Variants in TTC39C observed in about 807,000 individuals in gnomAD.
TTC39C encodes tetratricopeptide repeat domain 39C, also known as tetratricopeptide repeat protein 39C.
In TTC39C, 33 loss-of-function variants were observed where a neutral mutation model predicts 76.3. The ratio of observed to expected loss-of-function variants is 0.43; its 90% CI spans 0.33 to 0.58. The LOEUF is 0.58. TTC39C is among the 20% of genes least tolerant of loss of function. The pLI, the probability that TTC39C is intolerant of heterozygous loss-of-function variation, is 0.04. For missense variants in TTC39C, 595 were observed against 701.4 expected, an observed-to-expected ratio of 0.85 and a Z score of 1.71; for synonymous variants, 254 against 260.6, an observed-to-expected ratio of 0.97 and a Z score of 0.24.
chr18:24,086,954 G>A (rs950283156), intron 6 of TTC39C, among the ~76,000 whole-genome samples: 1 of 151,664 alleles, frequency 6.6e-6, no homozygotes, highest in Admixed American at 6.6e-5. Context: ...GAACTTGTTT[G>A]GTGTTGAGAG....
chr18:24,074,431 A>G (rs1247383754), intron 4 of TTC39C, among the ~76,000 whole-genome samples: 1 of 152,166 alleles, frequency 6.6e-6, no homozygotes, highest in Non-Finnish European at 1.5e-5. Flanking sequence ...AAAAATTCAC[A>G]AATTTGCAAC....
intron 1 of TTC39C, among the ~76,000 whole-genome samples, chr18:24,003,058 G>C (rs1156651805): frequency 1.3e-5 from 2 of 152,164 alleles, no homozygotes; most frequent in East Asian, 1.9e-4. Context: ...AGAGGCTCCA[G>C]GTAAGGCACA....
At chr18:23,996,590 GGCATGTGTATGT>G (rs1269354285) in intron 1 of TTC39C, among the ~76,000 whole-genome samples, 1 of 152,186 alleles carries the variant, frequency 6.6e-6, no homozygotes, top group Non-Finnish European at 1.5e-5. Context: ...TTAAAATCAT[GGCATGTGTATGT>G]GCATGTGTGC....
At chr18:24,004,160 A>C (rs2083334202) in intron 1 of TTC39C, among the ~76,000 whole-genome samples, 1 of 152,194 alleles carries the variant, frequency 6.6e-6, no homozygotes, top group Non-Finnish European at 1.5e-5. Context: ...AGAGGTGGTT[A>C]CCTTTCTGGA....
chr18:24,013,999 T>C (rs4325650), upstream of TTC39C, among the ~76,000 whole-genome samples: 86,113 of 152,288 alleles, frequency 0.57, 28,055 homozygotes, highest in Non-Finnish European at 0.75. Flanking sequence ...CCTCCATTTC[T>C]CCTCCTGCCC....
intron 1 of TTC39C, among the ~76,000 whole-genome samples, chr18:23,997,043 A>G (rs1212504743): frequency 2.0e-5 from 3 of 152,280 alleles, no homozygotes; most frequent in Admixed American, 2.0e-4. Context: ...CAGGAGGCAG[A>G]GGTTACAGTG....
intron 1 of TTC39C, among the ~76,000 whole-genome samples, chr18:24,020,648 A>AATACCTATAATACCTATAATAC (rs2083507706): frequency 6.6e-6 from 1 of 152,174 alleles, no homozygotes. Context: ...ATAATACCTA[A>AATACCTATAATACCTATAATAC]CATCATGTAA....
At chr18:24,048,213 C>T (rs993469966) in intron 1 of TTC39C, among the ~76,000 whole-genome samples, 12 of 152,122 alleles carry the variant, frequency 7.9e-5, no homozygotes, top group African/African-American at 2.7e-4. Context: ...TAATAATTTG[C>T]GTGAGACTAA....
chr18:24,059,182 A>T (rs1159915990), intron 1 of TTC39C, among the ~76,000 whole-genome samples: 1 of 151,942 alleles, frequency 6.6e-6, no homozygotes, highest in Non-Finnish European at 1.5e-5. Context: ...GCTATTCTAA[A>T]TTATTTACTT....
Position 24,123,881 on chromosome 18 carries a change from A to C in TTC39C, c.1234A>C (p.Lys412Gln). ...GDVDGAQIVF[K>Q]EVQKLFKRKN... Reference sequence around the variant, plus strand: ...TGTGGATGGGGCACAGATTGTCTTTAAAGAAGTTCAGAAACTCTTCAAAAG... The same window carrying C: ...TGTGGATGGGGCACAGATTGTCTTTCAAGAAGTTCAGAAACTCTTCAAAAG... The change falls in exon 9 of 14, where the codon AAA (lysine) becomes CAA (glutamine). Residue 412 changes from lysine to glutamine, a missense_variant. Transcript: ENST00000317571. 1 of 1,613,188 alleles carries C rather than the reference A, an allele frequency of 6.2e-7. No individual in the cohort carries two copies. The highest frequency in any genetic ancestry group is 8.5e-7 in the Non-Finnish European group (1 of 1,179,838).
At position 24,014,807 on chromosome 18, in the gene TTC39C, C is replaced by G; in HGVS notation, c.-65C>G. The G allele has an allele frequency of 8.4e-7, 1 of 1,197,244 alleles. No individual in the cohort carries two copies. The highest frequency in any genetic ancestry group is 1.6e-5 in the African/African-American group (1 of 62,298). The allele number at this position is 1,197,244 out of a possible 1,614,324, so 74.2% of individuals were successfully genotyped here. A position where few individuals can be genotyped will look rare whatever the true frequency, so the allele number is the denominator to read the frequency against. On this transcript the variant is annotated 5_prime_UTR_variant, in exon 1 of 14. Transcript: ENST00000317571. ...CGGGCAGGTAGAGCCGGGCTCCGGG[C>G]GCGCGCGGGGCCGCAGCAGCTGCTC...
chr18:24,091,297 C>A (rs2084513836), intron 6 of TTC39C, among the ~76,000 whole-genome samples: 1 of 152,128 alleles, frequency 6.6e-6, no homozygotes, highest in African/African-American at 2.4e-5. Context: ...CAAAAATTAG[C>A]CAGGTGTGGT....
Position 24,124,691 on chromosome 18 carries a change from A to G in TTC39C, c.1297-736A>G, listed in dbSNP as rs571116997. Among the ~76,000 whole-genome samples the G allele has an allele frequency of 6.6e-5, 10 of 152,340 alleles. No individual in the cohort carries two copies. In the South Asian group the frequency reaches 1.9e-3, roughly 28 times the overall value. On this transcript the variant is annotated intron_variant, in intron 9 of 13. Coordinates refer to ENST00000317571, the MANE Select transcript of TTC39C (RefSeq NM_001135993.2). ...AGCTTTTGAGTATAAATTTGATTATAATGTACAGCAGAGAGCACTGGCACT... is the reference window on the plus strand; with the variant it reads ...AGCTTTTGAGTATAAATTTGATTATGATGTACAGCAGAGAGCACTGGCACT...
chr18:24,078,021 C>A (rs905612380), intron 4 of TTC39C, among the ~76,000 whole-genome samples: 15 of 152,316 alleles, frequency 9.8e-5, no homozygotes, highest in African/African-American at 2.9e-4. Context: ...TCACCCAGAA[C>A]AGTGCTTGAA....
intron 6 of TTC39C, among the ~76,000 whole-genome samples, chr18:24,085,935 G>A (rs1024050522): frequency 1.3e-5 from 2 of 152,158 alleles, no homozygotes; most frequent in Non-Finnish European, 2.9e-5. Flanking sequence ...GCGTTTCATT[G>A]CTCTTCCCAG....
rs367702617 is a variant in TTC39C, at chr18:24,118,730, A to G, written c.1186+498A>G. 3.9e-4 allele frequency among the ~76,000 whole-genome samples: 59 copies of G among 150,172 alleles called. 2 individuals are homozygous for G. The South Asian group carries it at 0.012, about 30-fold the overall frequency. ...TGCAGTGGCCTGATCACAGCTCACT[A>G]TAGCCTCAACCTCCCAGGCTCAAGC... is the stretch of plus-strand genomic sequence containing the variant. On this transcript the variant is annotated intron_variant, in intron 8 of 13. Coordinates refer to ENST00000317571, the MANE Select transcript of TTC39C (RefSeq NM_001135993.2).
At chr18:24,054,204 G>A (rs2083987337) in intron 1 of TTC39C, among the ~76,000 whole-genome samples, 1 of 152,084 alleles carries the variant, frequency 6.6e-6, no homozygotes, top group Admixed American at 6.5e-5. Context: ...GGTGCTCTGG[G>A]TCACAGCTGG....
At chr18:24,070,917 A>G (rs1348490857) in intron 4 of TTC39C, among the ~76,000 whole-genome samples, 6 of 152,056 alleles carry the variant, frequency 3.9e-5, no homozygotes, top group African/African-American at 7.2e-5. Context: ...GTGTGAGAAT[A>G]TATCAGAACT....
intron 6 of TTC39C, among the ~76,000 whole-genome samples, chr18:24,084,275 G>A (rs542604338): frequency 5.3e-5 from 8 of 152,242 alleles, no homozygotes; most frequent in Admixed American, 3.3e-4. Context: ...CCTGAGGTCA[G>A]GAGTTCGAGA....
Sources: allele counts gnomAD v4.1 joint callset (sites outside exome capture counted in the v4.1 genomes callset), GRCh38; gene constraint gnomAD v4.1.1; transcripts MANE v1.5; gene names NCBI Gene and HGNC (gene_info 2026-07-23, HGNC 2026-07-21).